GRAMD1B: variants seen among roughly 807,000 people sequenced by gnomAD.
GRAMD1B encodes the protein protein Aster-B.
A neutral mutation model predicts 99.7 loss-of-function variants in GRAMD1B; 37 were observed. The observed-to-expected ratio is 0.37, with a 90% CI of 0.29 to 0.49. The LOEUF is 0.49. Among genes scored for constraint, GRAMD1B ranks in the 20% least tolerant of loss-of-function variants. The pLI, the probability that GRAMD1B is intolerant of heterozygous loss-of-function variation, is 0.98. For synonymous variants in GRAMD1B, 427 were observed against 387.6 expected, an observed-to-expected ratio of 1.10 and a Z score of -1.19; for missense variants, 888 against 1,009.2, an observed-to-expected ratio of 0.88 and a Z score of 1.63.
At chr11:123,415,080 CTTTTCTTTTTCTTTCTT>C (rs1948183224) in intron 1 of GRAMD1B, among the ~76,000 whole-genome samples, 1 of 114,170 alleles carries the variant, frequency 8.8e-6, no homozygotes, top group South Asian at 3.3e-4. Flanking sequence ...TTTCTTTTTT[CTTTTCTTTTTCTTTCTT>C]TTTTTTTTTT....
intron 2 of GRAMD1B, among the ~76,000 whole-genome samples, chr11:123,513,583 TTCCTTCCTTCCTTCCTTCCTTC>T (rs1941312380): frequency 1.4e-5 from 1 of 68,976 alleles, no homozygotes; most frequent in African/African-American, 7.1e-5. Context: ...CTTCCTTTCC[TTCCTTCCTTCCTTCCTTCCTTC>T]CTTCCTTCCT....
intron 2 of GRAMD1B, among the ~76,000 whole-genome samples, chr11:123,568,089 CT>C (rs1947599553): frequency 6.6e-6 from 1 of 151,444 alleles, no homozygotes; most frequent in African/African-American, 2.4e-5. Context: ...CTTTAAATTT[CT>C]TTGTAAAAAT....
chr11:123,515,186 T>C lies in GRAMD1B; in HGVS notation c.452+34293T>C, dbSNP rs184516961. 2.0e-5 allele frequency among the ~76,000 whole-genome samples: 3 copies of C among 152,258 alleles called. No homozygotes were observed. The East Asian group carries it at 5.8e-4, about 29-fold the overall frequency. ...GTCACTTGGTAGCTGGTGGTGTGAT[T>C]TGAGATTGATACAAGACGTCAGAGT... On this transcript the variant is annotated intron_variant, in intron 2 of 19. Coordinates refer to ENST00000635736, the MANE Select transcript of GRAMD1B (RefSeq NM_001387025.1).
At position 123,536,535 on chromosome 11, in the gene GRAMD1B, G is replaced by A. The variant is rs144057528; in HGVS notation, c.453-40832G>A. Among the ~76,000 whole-genome samples the A allele has an allele frequency of 7.0e-3, 1,069 of 152,300 alleles. 9 individuals carry two copies. Among genetic ancestry groups the A allele is most frequent in the Non-Finnish European group, 7.0e-3 (473 of 68,030 alleles). The stretch of plus-strand genomic sequence containing the variant: ...GAAATAATTCGTGTTGATGCTCTTG[G>A]GATGGGGCCTGGCACGTTATAAAAG... On this transcript the variant is annotated intron_variant, in intron 2 of 19. Coordinates refer to ENST00000635736, the MANE Select transcript of GRAMD1B (RefSeq NM_001387025.1).
intron 1 of GRAMD1B, among the ~76,000 whole-genome samples, chr11:123,435,977 C>G (rs951498090): frequency 8.1e-5 from 11 of 136,252 alleles, no homozygotes; most frequent in African/African-American, 2.7e-4. Flanking sequence ...GAGTCTCCCT[C>G]TCTCACCCAG....
intron 2 of GRAMD1B, among the ~76,000 whole-genome samples, chr11:123,487,360 G>T (rs937655456): frequency 3.3e-5 from 5 of 152,162 alleles, no homozygotes; most frequent in African/African-American, 1.2e-4. Context: ...CACATGGACA[G>T]CATTTGCAAG....
chr11:123,397,915 T>C (rs1943468), intron 1 of GRAMD1B, among the ~76,000 whole-genome samples: 46,312 of 152,136 alleles, frequency 0.3, 7,547 homozygotes, highest in African/African-American at 0.43. Context: ...CAAATAACAG[T>C]AGCTTGTTCC....
At chr11:123,523,876 A>G (rs900436198) in intron 2 of GRAMD1B, among the ~76,000 whole-genome samples, 1 of 152,218 alleles carries the variant, frequency 6.6e-6, no homozygotes, top group Non-Finnish European at 1.5e-5. Flanking sequence ...TGAAAACATA[A>G]TTTTGGATGT....
intron 4 of GRAMD1B, among the ~76,000 whole-genome samples, chr11:123,588,087 G>A (rs1216052459): frequency 2.0e-5 from 3 of 147,156 alleles, no homozygotes; most frequent in South Asian, 2.2e-4. Context: ...TTACGTCCTC[G>A]TCTCCCGTCC....
At chr11:123,463,800 G>A (rs964302583) in intron 1 of GRAMD1B, among the ~76,000 whole-genome samples, 4 of 152,218 alleles carry the variant, frequency 2.6e-5, no homozygotes, top group Non-Finnish European at 4.4e-5. Flanking sequence ...CAACATGCAC[G>A]AAGTTGCAGG....
chr11:123,544,480 A>G (rs554972807), intron 2 of GRAMD1B, among the ~76,000 whole-genome samples: 1 of 152,196 alleles, frequency 6.6e-6, no homozygotes, highest in African/African-American at 2.4e-5. Flanking sequence ...CTTTTAGTTC[A>G]TATATGTCTC....
At chr11:123,439,317 G>A (rs752055637) in intron 1 of GRAMD1B, among the ~76,000 whole-genome samples, 3 of 152,194 alleles carry the variant, frequency 2.0e-5, no homozygotes, top group Non-Finnish European at 2.9e-5. Flanking sequence ...CTCAGCTGGT[G>A]AGGAGATGTT....
rs781331248 is a variant in GRAMD1B at position 123,613,531 on chromosome 11, G to A, written c.2100G>A (p.Lys700=). ...HRQSPKEKAS[K]TTTVRRRKRP... ...AATCTCCCAAAGAGAAGGCCAGCAA[G>A]ACTACAACGGTGCGGAGGAGGAAGC... Residue 700 remains lysine (K), a synonymous_variant, in exon 16 of 20, where the codon AAG becomes AAA. Transcript: ENST00000635736. 7.4e-6 allele frequency: 12 copies of A among 1,613,596 alleles called. No homozygotes were observed. The highest frequency in any genetic ancestry group is 1.0e-5 in the Non-Finnish European group (12 of 1,179,798).
intron 1 of GRAMD1B, among the ~76,000 whole-genome samples, chr11:123,394,523 T>A (rs1424447493): frequency 6.6e-6 from 1 of 152,034 alleles, no homozygotes; most frequent in Non-Finnish European, 1.5e-5. Flanking sequence ...ACTTTTTACC[T>A]TTTCTGTCCT....
intron 2 of GRAMD1B, among the ~76,000 whole-genome samples, chr11:123,508,452 GT>G (rs1435310295): frequency 6.6e-6 from 1 of 152,178 alleles, no homozygotes; most frequent in African/African-American, 2.4e-5. Flanking sequence ...TTCAACATGA[GT>G]TTGGACACTC....
intron 2 of GRAMD1B, among the ~76,000 whole-genome samples, chr11:123,542,975 C>T (rs200063293): frequency 1.3e-5 from 2 of 150,552 alleles, no homozygotes; most frequent in African/African-American, 4.9e-5. Context: ...TTTTCTTTTT[C>T]TTTTTTTTTT....
rs187689924 is a variant in GRAMD1B at position 123,550,723 on chromosome 11, G to T, written c.453-26644G>T. On this transcript the variant is annotated intron_variant, in intron 2 of 19. Transcript: ENST00000635736. ...AGACCTTAATCCAGGATTAAGAAAA[G>T]GTCAGTTACCTCTGCAAAGAGGTGA... Among the ~76,000 whole-genome samples the T allele has an allele frequency of 4.6e-5, 7 of 152,268 alleles. No individual in the cohort carries two copies. The East Asian group carries it at 1.4e-3, about 29-fold the overall frequency.
chr11:123,384,090 G>C (rs1249737054), intron 1 of GRAMD1B, among the ~76,000 whole-genome samples: 3 of 152,016 alleles, frequency 2.0e-5, no homozygotes, highest in Non-Finnish European at 4.4e-5. Flanking sequence ...GGGTGGTCTT[G>C]AACTCCTGAC....
chr11:123,509,593 G>A lies in GRAMD1B; in HGVS notation c.452+28700G>A, dbSNP rs191937158. Among the ~76,000 whole-genome samples the A allele has an allele frequency of 3.5e-3, 537 of 152,334 alleles. 2 individuals carry two copies. The highest frequency in any genetic ancestry group is 3.1e-3 in the Non-Finnish European group (210 of 68,034). ...TTGTATGGATGCCAGCTCTGGCACC[G>A]CAAACACACACAGTGAATATATGTA... is the stretch of plus-strand genomic sequence containing the variant. On this transcript the variant is annotated intron_variant, in intron 2 of 19. Transcript: ENST00000635736.
Sources: allele counts gnomAD v4.1 joint callset (sites outside exome capture counted in the v4.1 genomes callset), GRCh38; gene constraint gnomAD v4.1.1; transcripts MANE v1.5; gene names NCBI Gene and HGNC (gene_info 2026-07-23, HGNC 2026-07-21).